Variants in PRORP observed in about 807,000 individuals in gnomAD.
The protein encoded by PRORP is protein only RNase P catalytic subunit.
PRORP carries 51 observed loss-of-function variants against 59.4 expected under a neutral mutation model. The observed-to-expected ratio is 0.86, with a 90% confidence interval of 0.69 to 1.08. The LOEUF (loss-of-function observed/expected upper bound fraction) is 1.08. PRORP is among the 50% of genes least tolerant of loss of function. The probability of loss-of-function intolerance (pLI) is 0.00; values close to 1 mark genes in which losing one functional copy is unlikely to be tolerated. For synonymous variants in PRORP, 231 were observed against 245.6 expected (o/e 0.94, Z 0.55); for missense variants, 646 against 690.3 (o/e 0.94, Z 0.72).
chr14:35,161,899 A>C (rs532524816), intron 4 of PRORP, among the ~76,000 whole-genome samples: 84 of 152,136 alleles, frequency 5.5e-4, no homozygotes, highest in Non-Finnish European at 1.0e-3. Flanking sequence ...ATGATACCTA[A>C]CTGCTAGGGA....
At chr14:35,140,848 T>C (rs917075113) in intron 4 of PRORP, among the ~76,000 whole-genome samples, 1 of 146,220 alleles carries the variant, frequency 6.8e-6, no homozygotes, top group Non-Finnish European at 1.5e-5. Context: ...TTATATAAGG[T>C]AATTTTTTAG....
intron 4 of PRORP, among the ~76,000 whole-genome samples, chr14:35,165,165 T>C (rs559357343): frequency 6.6e-6 from 1 of 152,290 alleles, no homozygotes; most frequent in African/African-American, 2.4e-5. Flanking sequence ...TCTTCTGGCT[T>C]TTGGGATTTC....
At chr14:35,273,054 CGTTTT>C (rs2051234752) in intron 7 of PRORP, among the ~76,000 whole-genome samples, 1 of 151,920 alleles carries the variant, frequency 6.6e-6, no homozygotes, top group African/African-American at 2.4e-5. Context: ...TGTTTTGTTT[CGTTTT>C]GTTTTCATAT....
At chr14:35,260,878 T>G (rs1490066627) in intron 5 of PRORP, among the ~76,000 whole-genome samples, 1 of 152,172 alleles carries the variant, frequency 6.6e-6, no homozygotes, top group Non-Finnish European at 1.5e-5. Flanking sequence ...TCCTCCTGCT[T>G]TACCCCGAAG....
In PRORP at chr14:35,131,087, C is replaced by T. The variant is rs566798788; in HGVS notation, c.1167+3476C>T. Among the ~76,000 whole-genome samples, 6 of 151,676 alleles carry T rather than the reference C, an allele frequency of 4.0e-5. No individual in the cohort carries two copies. In the South Asian group the frequency reaches 6.3e-4, roughly 16 times the overall value. On this transcript the variant is annotated intron_variant, in intron 4 of 7. Transcript: ENST00000534898. ...GCCTCTGAATAGCTAGGATTATAGGCGTGCACCACCAGACCTGGCTAGTTT... is the reference window on the plus strand; with the variant it reads ...GCCTCTGAATAGCTAGGATTATAGGTGTGCACCACCAGACCTGGCTAGTTT...
intron 5 of PRORP, among the ~76,000 whole-genome samples, chr14:35,181,539 C>CT (rs1389832138): frequency 1.3e-5 from 2 of 152,134 alleles, no homozygotes; most frequent in East Asian, 3.8e-4. Flanking sequence ...ATCCCCAGCA[C>CT]TTTGGGAGGC....
chr14:35,245,305 A>G (rs1225612211), intron 5 of PRORP, among the ~76,000 whole-genome samples: 1 of 152,180 alleles, frequency 6.6e-6, no homozygotes, highest in Admixed American at 6.5e-5. Context: ...ACTACAGTTA[A>G]AACAAGCCAA....
chr14:35,197,174 A>G (rs1308592879), intron 5 of PRORP, among the ~76,000 whole-genome samples: 1 of 152,078 alleles, frequency 6.6e-6, no homozygotes, highest in Non-Finnish European at 1.5e-5. Context: ...CTGATGTGTC[A>G]TTGATAATGT....
intron 4 of PRORP, among the ~76,000 whole-genome samples, chr14:35,155,376 C>A (rs920853827): frequency 6.6e-6 from 1 of 151,904 alleles, no homozygotes; most frequent in Non-Finnish European, 1.5e-5. Flanking sequence ...TTATACTATT[C>A]TGTCTACTTT....
At chr14:35,164,165 A>G (rs2138962468) in intron 4 of PRORP, among the ~76,000 whole-genome samples, 1 of 152,308 alleles carries the variant, frequency 6.6e-6, no homozygotes, top group South Asian at 2.1e-4. Flanking sequence ...CTGCAGAGAA[A>G]AGGGAATGCT....
chr14:35,151,193 G>T (rs1435944559), intron 4 of PRORP, among the ~76,000 whole-genome samples: 44 of 152,088 alleles, frequency 2.9e-4, no homozygotes, highest in Non-Finnish European at 2.1e-4. Flanking sequence ...TTTCTTAAAA[G>T]ATTCTGCCTA....
rs35304125 is a variant in PRORP at position 35,266,013 on chromosome 14, CAAA to C, written c.1276-697_1276-695del. Among the ~76,000 whole-genome samples the C allele has an allele frequency of 1.6e-3, 192 of 117,102 alleles. 1 individual carries two copies. Among genetic ancestry groups the C allele is most frequent in the African/African-American group, 4.6e-3 (150 of 32,664 alleles). The allele number at this position is 117,102 out of a possible 152,430, so 76.8% of individuals were successfully genotyped here. ...CAGGATCGTGAGATCCCATCTCTAC[CAAA>C]AAAAAAAAAAAAAAAATTAGGCCAG... On this transcript the variant is annotated intron_variant, in intron 5 of 7. Transcript: ENST00000534898.
chr14:35,229,876 C>G (rs142248420), intron 5 of PRORP, among the ~76,000 whole-genome samples: 2 of 151,978 alleles, frequency 1.3e-5, no homozygotes, highest in African/African-American at 2.4e-5. Context: ...GCCTGACCTC[C>G]CTAGACCCCA....
At chr14:35,174,228 G>A (rs1451825331) in intron 4 of PRORP, among the ~76,000 whole-genome samples, 1 of 151,686 alleles carries the variant, frequency 6.6e-6, no homozygotes, top group East Asian at 1.9e-4. Context: ...ACCTTCAAAT[G>A]TCATGTCCCC....
chr14:35,168,386 T>C (rs2048236126), intron 4 of PRORP, among the ~76,000 whole-genome samples: 1 of 152,196 alleles, frequency 6.6e-6, no homozygotes, highest in Non-Finnish European at 1.5e-5. Context: ...TAATAGTTAT[T>C]GGACCAAAGG....
At chr14:35,163,555 G>T (rs1450473399) in intron 4 of PRORP, among the ~76,000 whole-genome samples, 1 of 152,228 alleles carries the variant, frequency 6.6e-6, no homozygotes, top group South Asian at 2.1e-4. Flanking sequence ...TTAGCCACTT[G>T]TATGCCTTCT....
At chr14:35,122,198 C>T, upstream of PRORP, 2 of 532,648 alleles carry the variant, frequency 3.8e-6, no homozygotes, top group Admixed American at 3.1e-5. Context: ...AAATGGTTCT[C>T]CTTCAGAGGC....
At chr14:35,266,951 C>T in intron 6 of PRORP, 76 bp downstream of exon 6, 1 of 1,474,384 alleles carries the variant, frequency 6.8e-7, no homozygotes, top group African/African-American at 1.4e-5. Context: ...TACTTTAAAC[C>T]TATCTTTTAA....
At position 35,270,446 on chromosome 14, in the gene PRORP, G is replaced by A. The variant is rs1033493446; in HGVS notation, c.1470G>A (p.Gly490=). Residue 490 remains glycine (G), a synonymous_variant, in exon 7 of 8, where the codon GGG becomes GGA. Coordinates refer to ENST00000534898, the MANE Select transcript of PRORP (RefSeq NM_014672.4). ...TTCTGTATGCCACACTGCACTCCGGGAATCACTGCAGGTTTATCACAAGAG... is the reference window on the plus strand; with the variant it reads ...TTCTGTATGCCACACTGCACTCCGGAAATCACTGCAGGTTTATCACAAGAG... ...PFLLYATLHS[G]NHCRFITRDL... The A allele has an allele frequency of 6.8e-6, 11 of 1,613,924 alleles. No individual in the cohort carries two copies. The Admixed American group carries it at 1.7e-4, about 24-fold the overall frequency.
Sources: allele counts gnomAD v4.1 joint callset (sites outside exome capture counted in the v4.1 genomes callset), GRCh38; gene constraint gnomAD v4.1.1; transcripts MANE v1.5; gene names NCBI Gene and HGNC (gene_info 2026-07-23, HGNC 2026-07-21).